The following ANKS1B variants were observed in gnomAD, a reference collection of about 807,000 sequenced individuals.
ANKS1B encodes ankyrin repeat and sterile alpha motif domain-containing protein 1B.
In ANKS1B, 36 loss-of-function variants were observed where a neutral mutation model predicts 148.3. That is an observed-to-expected ratio of 0.24 (90% CI 0.19 to 0.32). ANKS1B has a LOEUF of 0.32. Among genes scored for constraint, ANKS1B ranks in the 10% least tolerant of loss-of-function variants. The pLI, the probability that ANKS1B is intolerant of heterozygous loss-of-function variation, is 1.00. For missense variants in ANKS1B, 1,157 were observed against 1,542.6 expected (o/e 0.75, Z 4.19); for synonymous variants, 542 against 560.8 (o/e 0.97, Z 0.47).
chr12:99,252,031 GA>G (rs1262180663), intron 12 of ANKS1B, among the ~76,000 whole-genome samples: 1 of 152,042 alleles, frequency 6.6e-6, no homozygotes, highest in Non-Finnish European at 1.5e-5. Context: ...TATGTGCTGT[GA>G]AAAAAATAAA....
chr12:99,250,221 T>C (rs1422704666), intron 12 of ANKS1B, among the ~76,000 whole-genome samples: 1 of 152,184 alleles, frequency 6.6e-6, no homozygotes, highest in Admixed American at 6.5e-5. Context: ...TGTACCTAGT[T>C]GTCTGGTCAT....
intron 10 of ANKS1B, among the ~76,000 whole-genome samples, chr12:99,482,326 T>C (rs537787436): frequency 6.6e-6 from 1 of 151,932 alleles, no homozygotes; most frequent in Non-Finnish European, 1.5e-5. Context: ...TTTGTCAAAA[T>C]CACTTGGCTG....
At chr12:99,668,433 T>C (rs2098520223) in intron 8 of ANKS1B, among the ~76,000 whole-genome samples, 1 of 152,080 alleles carries the variant, frequency 6.6e-6, no homozygotes, top group Admixed American at 6.5e-5. Flanking sequence ...TTTTTAAATG[T>C]GGAAGCTTAG....
chr12:99,542,649 T>C (rs930545952), intron 9 of ANKS1B, among the ~76,000 whole-genome samples: 3 of 152,084 alleles, frequency 2.0e-5, no homozygotes, highest in Non-Finnish European at 2.9e-5. Flanking sequence ...GAGGAGTCAC[T>C]CTTCCCAATT....
chr12:99,703,011 C>A (rs149208837), intron 8 of ANKS1B, among the ~76,000 whole-genome samples: 1 of 152,154 alleles, frequency 6.6e-6, no homozygotes, highest in African/African-American at 2.4e-5. Flanking sequence ...TTTCCCAGCA[C>A]CATTTTTGCA....
intron 1 of ANKS1B, among the ~76,000 whole-genome samples, chr12:99,858,754 T>C (rs2089594308): frequency 1.3e-5 from 2 of 152,146 alleles, no homozygotes; most frequent in South Asian, 4.1e-4. Context: ...GAGACCATTA[T>C]TTTAAGTGAA....
chr12:99,213,752 C>T (rs1267312429), intron 14 of ANKS1B, among the ~76,000 whole-genome samples: 1 of 152,206 alleles, frequency 6.6e-6, no homozygotes, highest in Non-Finnish European at 1.5e-5. Context: ...GGGAATGTGG[C>T]TTACATAGAC....
chr12:99,850,391 G>T (rs192456818), intron 1 of ANKS1B, among the ~76,000 whole-genome samples: 1 of 145,566 alleles, frequency 6.9e-6, no homozygotes, highest in African/African-American at 2.6e-5. Flanking sequence ...TTAGTTATTA[G>T]TTATTTATTT....
intron 9 of ANKS1B, chr12:99,647,850 C>T (rs1021728): frequency 0.012 from 3,937 of 319,968 alleles, 135 homozygotes; most frequent in African/African-American, 0.076. Flanking sequence ...GAATATCAGG[C>T]TCAAATGGAG....
At chr12:99,161,901 A>C (rs2076691097) in intron 14 of ANKS1B, among the ~76,000 whole-genome samples, 1 of 152,204 alleles carries the variant, frequency 6.6e-6, no homozygotes, top group Non-Finnish European at 1.5e-5. Flanking sequence ...AACCACTGCC[A>C]TCCCAAAACT....
At chr12:99,207,834 G>A (rs969718509) in intron 14 of ANKS1B, among the ~76,000 whole-genome samples, 1 of 152,032 alleles carries the variant, frequency 6.6e-6, no homozygotes, top group Non-Finnish European at 1.5e-5. Flanking sequence ...TTTTTCCAAA[G>A]TAGAAAAAGT....
intron 17 of ANKS1B, among the ~76,000 whole-genome samples, chr12:99,046,824 A>G (rs975656164): frequency 9.3e-4 from 141 of 151,274 alleles, no homozygotes; most frequent in African/African-American, 2.5e-3. Context: ...AAAGAAAAAA[A>G]AAAGAAAAAG....
intron 15 of ANKS1B, among the ~76,000 whole-genome samples, chr12:99,104,328 C>G (rs1387777333): frequency 1.3e-5 from 2 of 152,108 alleles, no homozygotes; most frequent in Admixed American, 1.3e-4. Context: ...ATTTGCTAAT[C>G]TTACTTTTTA....
chr12:99,482,856 T>C (rs1002500737), intron 10 of ANKS1B, among the ~76,000 whole-genome samples: 1 of 152,102 alleles, frequency 6.6e-6, no homozygotes, highest in African/African-American at 2.4e-5. Context: ...TGTACACTGA[T>C]TTTGTAACCT....
chr12:99,373,660 C>T (rs1174191981), intron 12 of ANKS1B, among the ~76,000 whole-genome samples: 1 of 152,096 alleles, frequency 6.6e-6, no homozygotes, highest in Non-Finnish European at 1.5e-5. Context: ...GCTCCAGTTA[C>T]TGCTCTTTTT....
intron 14 of ANKS1B, among the ~76,000 whole-genome samples, chr12:99,184,657 T>C (rs917758175): frequency 1.3e-5 from 2 of 152,222 alleles, no homozygotes; most frequent in African/African-American, 4.8e-5. Flanking sequence ...GTTCAAACTA[T>C]ATTTATCTAA....
intron 1 of ANKS1B, among the ~76,000 whole-genome samples, chr12:99,954,126 C>T (rs921090965): frequency 5.9e-5 from 9 of 152,236 alleles, no homozygotes; most frequent in African/African-American, 2.2e-4. Context: ...ATGAGAGATG[C>T]TCAGTGGGTA....
intron 1 of ANKS1B, among the ~76,000 whole-genome samples, chr12:99,916,048 T>C (rs1341905486): frequency 3.9e-5 from 6 of 152,206 alleles, no homozygotes; most frequent in Non-Finnish European, 8.8e-5. Flanking sequence ...TGGTTACTCA[T>C]TACACAATTC....
chr12:98,891,146 T>C (rs2099751818), intron 17 of ANKS1B, among the ~76,000 whole-genome samples: 1 of 152,210 alleles, frequency 6.6e-6, no homozygotes, highest in Non-Finnish European at 1.5e-5. Flanking sequence ...AAACACACTA[T>C]AAAGAATTTA....
Sources: allele counts gnomAD v4.1 joint callset (sites outside exome capture counted in the v4.1 genomes callset), GRCh38; gene constraint gnomAD v4.1.1; transcripts MANE v1.5; gene names NCBI Gene and HGNC (gene_info 2026-07-23, HGNC 2026-07-21).